NPAT: variants seen among roughly 807,000 people sequenced by gnomAD.
NPAT encodes the protein nuclear protein, coactivator of histone transcription.
Under a neutral mutation model 130.7 loss-of-function variants are expected in NPAT, and 52 were observed. The ratio of observed to expected loss-of-function variants is 0.40; its 90% CI spans 0.32 to 0.50. NPAT has a LOEUF of 0.50. NPAT is among the 20% of genes least tolerant of loss of function. The probability of loss-of-function intolerance (pLI) is 0.68; values close to 1 mark genes in which losing one functional copy is unlikely to be tolerated. For missense variants in NPAT, 1,687 were observed against 1,662.6 expected (o/e 1.01, Z -0.26); for synonymous variants, 580 against 584.8 (o/e 0.99, Z 0.12).
At chr11:108,208,806 C>A (rs895052117) in intron 1 of NPAT, among the ~76,000 whole-genome samples, 6 of 152,118 alleles carry the variant, frequency 3.9e-5, no homozygotes, top group Non-Finnish European at 5.9e-5. Flanking sequence ...GCAACTAGAC[C>A]TACCAGATAG....
chr11:108,212,762 T>C (rs1433598610), intron 1 of NPAT, among the ~76,000 whole-genome samples: 1 of 150,816 alleles, frequency 6.6e-6, no homozygotes, highest in South Asian at 2.1e-4. Context: ...CTGGCCAACA[T>C]GGTGAAACCC....
chr11:108,163,988 TAAG>T (rs1399247219), intron 15 of NPAT, among the ~76,000 whole-genome samples: 4 of 152,054 alleles, frequency 2.6e-5, no homozygotes, highest in African/African-American at 7.2e-5. Flanking sequence ...ATATAGAAGA[TAAG>T]AAACTGGAGC....
intron 3 of NPAT, 38 bp from the exon 4 acceptor site, chr11:108,192,228 T>C: frequency 7.6e-7 from 1 of 1,309,276 alleles, no homozygotes; most frequent in Non-Finnish European, 1.1e-6. Flanking sequence ...TAAACCCAGC[T>C]GAAGAAATTT....
chr11:108,204,777 C>CA (rs1173939290), intron 1 of NPAT, among the ~76,000 whole-genome samples: 2 of 152,154 alleles, frequency 1.3e-5, no homozygotes, highest in African/African-American at 4.8e-5. Flanking sequence ...TTGTGGATGG[C>CA]ACGAAGGAGA....
intron 2 of NPAT, among the ~76,000 whole-genome samples, chr11:108,195,811 G>A (rs1018721247): frequency 5.9e-5 from 9 of 152,132 alleles, no homozygotes; most frequent in African/African-American, 1.9e-4. Flanking sequence ...TTGTTTTCTA[G>A]AGATGAGGTC....
At chr11:108,219,064 T>C (rs1431248238) in intron 1 of NPAT, among the ~76,000 whole-genome samples, 2 of 152,208 alleles carry the variant, frequency 1.3e-5, no homozygotes, top group East Asian at 3.8e-4. Flanking sequence ...AACACGTTCT[T>C]GACCCTTCTG....
At chr11:108,159,215 T>A (rs997154608) in intron 17 of NPAT, among the ~76,000 whole-genome samples, 196 bp from the exon 18 acceptor site, 2 of 152,184 alleles carry the variant, frequency 1.3e-5, no homozygotes, top group Admixed American at 6.5e-5. Flanking sequence ...TATACTTCAA[T>A]GGCACCTGAA....
At chr11:108,164,071 G>A (rs919356747) in intron 15 of NPAT, among the ~76,000 whole-genome samples, 3 of 152,176 alleles carry the variant, frequency 2.0e-5, no homozygotes, top group Admixed American at 1.3e-4. Context: ...GGATGATTTT[G>A]GAAGCAGAAT....
rs148871589 is a variant in NPAT at position 108,183,915 on chromosome 11, T to C, written c.906+1317A>G. Among the ~76,000 whole-genome samples, 542 of 151,528 alleles carry C rather than the reference T, an allele frequency of 3.6e-3. 5 individuals carry two copies. Among genetic ancestry groups the C allele is most frequent in the Middle Eastern group, 0.017 (5 of 292 alleles). On this transcript the variant is annotated intron_variant, in intron 10 of 17. Transcript: ENST00000278612. ...TTGAGCTGGGGGAGATCAAGGCTGC[T>C]GTGAGCCGTGATTGAGCCACTGCAC...
chr11:108,171,612 G>T (rs1254131588), intron 13 of NPAT: 1 of 152,376 alleles, frequency 6.6e-6, no homozygotes, highest in African/African-American at 2.4e-5. Context: ...AGCCTCCCAA[G>T]TAGCTGTAAT....
rs185663398 is a variant in NPAT, at chr11:108,220,678, G to T, written c.37+1822C>A. 3.7e-3 allele frequency among the ~76,000 whole-genome samples: 571 copies of T among 152,336 alleles called. 3 individuals carry two copies. Among genetic ancestry groups the T allele is most frequent in the Non-Finnish European group, 6.7e-3 (453 of 68,024 alleles). The stretch of plus-strand genomic sequence containing the variant: ...ATATACACGATATGTATCTATTTAA[G>T]ATGTAAAATGATAAACGACAAAAGT... On this transcript the variant is annotated intron_variant, in intron 1 of 17. Coordinates refer to ENST00000278612, the MANE Select transcript of NPAT (RefSeq NM_002519.3).
At position 108,172,875 on chromosome 11, in the gene NPAT, T is replaced by G. The variant is rs763041465; in HGVS notation, c.2109A>C (p.Pro703=). The change falls in exon 13 of 18, where the codon CCA becomes CCC. Residue 703 remains proline, a synonymous_variant. Coordinates refer to ENST00000278612, the MANE Select transcript of NPAT (RefSeq NM_002519.3). ...CTCCCACTGAAGAACACACAGATTCTGGAGGAAGAGAGTGACTGTTTTCTA... is the reference window on the plus strand; with the variant it reads ...CTCCCACTGAAGAACACACAGATTCGGGAGGAAGAGAGTGACTGTTTTCTA... ...TPVENSHSLP[P]ESVCSSVGDS... is the part of the protein sequence containing the mutation. 6.2e-7 allele frequency: 1 copy of G among 1,614,104 alleles called. No individual in the cohort carries two copies. Among genetic ancestry groups the G allele is most frequent in the Non-Finnish European group, 8.5e-7 (1 of 1,180,034 alleles).
chr11:108,222,464 G>A (rs770353266), intron 1 of NPAT, 36 bp downstream of exon 1: 3 of 1,611,692 alleles, frequency 1.9e-6, no homozygotes, highest in Non-Finnish European at 1.7e-6. Context: ...CAGCATAGCC[G>A]GGTCCAATAA....
At chr11:108,194,410 GTTTA>G (rs2078200654) in intron 2 of NPAT, among the ~76,000 whole-genome samples, 1 of 152,130 alleles carries the variant, frequency 6.6e-6, no homozygotes, top group South Asian at 2.1e-4. Flanking sequence ...TCATTATTAT[GTTTA>G]TTTGTATCTT....
At chr11:108,213,989 G>C (rs2078408870) in intron 1 of NPAT, among the ~76,000 whole-genome samples, 1 of 152,152 alleles carries the variant, frequency 6.6e-6, no homozygotes, top group African/African-American at 2.4e-5. Context: ...CTGGGCTGAA[G>C]TGATCCTCCC....
At chr11:108,221,334 G>A (rs1448145128) in intron 1 of NPAT, among the ~76,000 whole-genome samples, 1 of 152,164 alleles carries the variant, frequency 6.6e-6, no homozygotes, top group Non-Finnish European at 1.5e-5. Context: ...CTGAGGCTGA[G>A]AAACCATGTT....
Position 108,198,181 on chromosome 11 carries a change from G to A in NPAT, c.38-761C>T, listed in dbSNP as rs534567707. Among the ~76,000 whole-genome samples the A allele has an allele frequency of 3.9e-5, 6 of 152,236 alleles. No individual in the cohort carries two copies. In the East Asian group the frequency reaches 7.7e-4, roughly 20 times the overall value. ...GTTCAGCAAACTCACTAGACAAACAGCAACAGCTAAGACAACAACAAACAT... is the reference window on the plus strand; with the variant it reads ...GTTCAGCAAACTCACTAGACAAACAACAACAGCTAAGACAACAACAAACAT... On this transcript the variant is annotated intron_variant, in intron 1 of 17. Coordinates refer to ENST00000278612, the MANE Select transcript of NPAT (RefSeq NM_002519.3).
chr11:108,168,976 G>A (rs2077925492), intron 15 of NPAT, among the ~76,000 whole-genome samples: 1 of 152,088 alleles, frequency 6.6e-6, no homozygotes, highest in Non-Finnish European at 1.5e-5. Context: ...GTTGCTGAAA[G>A]TTTTTAGGCA....
At chr11:108,189,554 T>C (rs2078142843) in intron 5 of NPAT, among the ~76,000 whole-genome samples, 1 of 152,218 alleles carries the variant, frequency 6.6e-6, no homozygotes, top group African/African-American at 2.4e-5. Context: ...CAGTAATTAA[T>C]ATTGATAACA....
Sources: gnomAD v4.1 joint callset for allele counts (sites outside exome capture counted in the v4.1 genomes callset) on GRCh38, gnomAD v4.1.1 for gene constraint, MANE v1.5 for transcripts, NCBI Gene and HGNC (gene_info 2026-07-23, HGNC 2026-07-21) for gene names.